KDM1B: variants seen among roughly 807,000 people sequenced by gnomAD.
KDM1B encodes lysine-specific histone demethylase 2.
Under a neutral mutation model 107.4 loss-of-function variants are expected in KDM1B, and 63 were observed. That is an observed-to-expected ratio of 0.59 (90% CI 0.48 to 0.72). The LOEUF is 0.72. KDM1B is among the 30% of genes least tolerant of loss of function. The probability of loss-of-function intolerance (pLI) is 0.00; values close to 1 mark genes in which losing one functional copy is unlikely to be tolerated. For missense variants in KDM1B, 749 were observed against 1,020.8 expected (o/e 0.73, Z 3.63); for synonymous variants, 363 against 363.9 (o/e 1.00, Z 0.03).
intron 17 of KDM1B, among the ~76,000 whole-genome samples, chr6:18,208,958 T>C (rs1464244969): frequency 2.0e-5 from 3 of 151,822 alleles, no homozygotes; most frequent in Admixed American, 1.3e-4. Context: ...TCCGCCCAAA[T>C]AGAAGTATAT....
intron 21 of KDM1B, among the ~76,000 whole-genome samples, chr6:18,220,776 CTTTT>C (rs777242091): frequency 3.5e-5 from 5 of 142,494 alleles, no homozygotes; most frequent in African/African-American, 1.3e-4. Context: ...TCACCTTTTC[CTTTT>C]TTTTTTTTTG....
intron 7 of KDM1B, among the ~76,000 whole-genome samples, chr6:18,183,232 G>A (rs1372014450): frequency 3.3e-5 from 5 of 149,762 alleles, no homozygotes; most frequent in African/African-American, 4.9e-5. Flanking sequence ...CCCTTGCAGG[G>A]GTAAACAATG....
At position 18,186,203 on chromosome 6, in the gene KDM1B, AG is replaced by A. The variant is rs1178448082; in HGVS notation, c.573+395del. Among the ~76,000 whole-genome samples, 1 of 152,172 alleles carries A rather than the reference AG, an allele frequency of 6.6e-6. No homozygotes were observed. The highest frequency in any genetic ancestry group is 1.5e-5 in the Non-Finnish European group (1 of 68,034). On this transcript the variant is annotated intron_variant, in intron 8 of 21. Transcript: ENST00000650836. This position sits in a 1 kb window ranked among gnomAD's most constrained non-coding sequence, Gnocchi z 5.6. ...ATCGTCTTGGCCTGGATTCAGCTGC[AG>A]GAGTGTTCTTATGCATTCTGACCTC...
At chr6:18,198,233 A>G (rs1383320787) in intron 12 of KDM1B, among the ~76,000 whole-genome samples, 6 of 151,940 alleles carry the variant, frequency 3.9e-5, no homozygotes, top group African/African-American at 1.4e-4. Context: ...TTCGCACAAT[A>G]GACATGATGA....
Position 18,213,931 on chromosome 6 carries a change from C to A in KDM1B, c.2109+150C>A. ...ATTCTGGGAGGACACTTGGACTGGA[C>A]ATTTTCCTATAGGAAAGGAGCCCCA... On this transcript the variant is annotated intron_variant, in intron 19 of 21. Transcript: ENST00000650836. The surrounding 1 kb of genome is among the most constrained non-coding windows in gnomAD (Gnocchi z 5.9). The A allele has an allele frequency of 1.2e-6, 1 of 840,766 alleles. No homozygotes were observed. Among genetic ancestry groups the A allele is most frequent in the Non-Finnish European group, 1.9e-6 (1 of 538,530 alleles). The allele number at this position is 840,766 out of a possible 1,614,324, so 52.1% of individuals were successfully genotyped here. A position where few individuals can be genotyped will look rare whatever the true frequency, so the allele number is the denominator to read the frequency against.
Position 18,197,003 on chromosome 6 carries a change from T to C in KDM1B, c.970-54T>C. Reference sequence around the variant, plus strand: ...AATGGATTGTTTTCCTGCTATTGTTTGAATTTCTTGGGACTTTTTTAAAAA... The same window carrying C: ...AATGGATTGTTTTCCTGCTATTGTTCGAATTTCTTGGGACTTTTTTAAAAA... On this transcript the variant is annotated intron_variant, in intron 10 of 21. Transcript: ENST00000650836. This position sits in a 1 kb window ranked among gnomAD's most constrained non-coding sequence, Gnocchi z 4.5. 1 of 1,479,214 alleles carries C rather than the reference T, an allele frequency of 6.8e-7. No individual in the cohort carries two copies. The highest frequency in any genetic ancestry group is 9.3e-7 in the Non-Finnish European group (1 of 1,073,764). 91.6% of individuals were successfully genotyped at this position (1,479,214 alleles called of 1,614,324 possible).
At chr6:18,194,039 A>G (rs1314399331) in intron 10 of KDM1B, among the ~76,000 whole-genome samples, 1 of 151,908 alleles carries the variant, frequency 6.6e-6, no homozygotes, top group African/African-American at 2.4e-5. Context: ...AAACCCGGCT[A>G]ATTTTTTTGT....
Position 18,161,444 on chromosome 6 carries a change from G to A in KDM1B, c.205G>A (p.Ala69Thr). ...AACATGTCCTGTGTGCTTTGCAAGT[G>A]CTTCTGAAAGGTCTGTTTAGATGTG... is the stretch of plus-strand genomic sequence containing the variant. Reference protein sequence around the residue: ...TATCPVCFASASERCAKNGYT... With the variant: ...TATCPVCFASTSERCAKNGYT... Residue 69 changes from alanine to threonine, a missense_variant, in exon 4 of 22, where the codon GCT becomes ACT. Transcript: ENST00000650836. The A allele has an allele frequency of 1.9e-6, 3 of 1,613,940 alleles. No individual in the cohort carries two copies. Among genetic ancestry groups the A allele is most frequent in the Non-Finnish European group, 2.5e-6 (3 of 1,179,968 alleles).
chr6:18,192,083 A>AC (rs950569314), intron 10 of KDM1B, among the ~76,000 whole-genome samples: 11 of 151,418 alleles, frequency 7.3e-5, no homozygotes, highest in East Asian at 3.9e-4. Flanking sequence ...ACATAATGAG[A>AC]CCCCCCCATC....
In KDM1B at chr6:18,197,010, C is replaced by T; in HGVS notation, c.970-47C>T. Reference sequence around the variant, plus strand: ...TGTTTTCCTGCTATTGTTTGAATTTCTTGGGACTTTTTTAAAAAAGCAGTT... The same window carrying T: ...TGTTTTCCTGCTATTGTTTGAATTTTTTGGGACTTTTTTAAAAAAGCAGTT... On this transcript the variant is annotated intron_variant, in intron 10 of 21. Coordinates refer to ENST00000650836, the MANE Select transcript of KDM1B (RefSeq NM_001364614.2). This position sits in a 1 kb window ranked among gnomAD's most constrained non-coding sequence, Gnocchi z 4.5. 6.6e-7 allele frequency: 1 copy of T among 1,514,834 alleles called. No homozygotes were observed. Among genetic ancestry groups the T allele is most frequent in the African/African-American group, 1.4e-5 (1 of 72,244 alleles). The allele number at this position is 1,514,834 out of a possible 1,614,324, so 93.8% of individuals were successfully genotyped here.
chr6:18,178,529 A>C (rs1241503950), intron 7 of KDM1B, among the ~76,000 whole-genome samples: 1 of 152,114 alleles, frequency 6.6e-6, no homozygotes, highest in East Asian at 1.9e-4. Flanking sequence ...AGTAGCAGGG[A>C]CTACAGGCAC....
At chr6:18,216,273 G>GT (rs1789226457) in intron 20 of KDM1B, among the ~76,000 whole-genome samples, 2 of 152,096 alleles carry the variant, frequency 1.3e-5, no homozygotes, top group Non-Finnish European at 2.9e-5. Flanking sequence ...TAGAGACAGG[G>GT]TTTCACCATG....
intron 17 of KDM1B, among the ~76,000 whole-genome samples, chr6:18,208,629 T>TATATATATATA (rs1788587576): frequency 2.2e-4 from 3 of 13,776 alleles, no homozygotes; most frequent in African/African-American, 3.0e-4. Context: ...ATATATATAT[T>TATATATATATA]TTTTTTTTTT....
intron 17 of KDM1B, among the ~76,000 whole-genome samples, chr6:18,210,453 G>A (rs538569595): frequency 1.9e-3 from 279 of 147,988 alleles, no homozygotes; most frequent in Non-Finnish European, 3.2e-3. Flanking sequence ...GAACTCCTGG[G>A]CTTGAGCAGT....
chr6:18,176,091 C>T (rs151323127), intron 7 of KDM1B, among the ~76,000 whole-genome samples: 8 of 152,124 alleles, frequency 5.3e-5, no homozygotes, highest in East Asian at 1.9e-4. Context: ...TCTACCCATC[C>T]GTGAGCATCC....
chr6:18,171,757 T>G (rs886603315), intron 7 of KDM1B, among the ~76,000 whole-genome samples: 3 of 152,228 alleles, frequency 2.0e-5, no homozygotes, highest in Non-Finnish European at 2.9e-5. Flanking sequence ...TCCAGCCACC[T>G]GTAGTCTAAC....
At chr6:18,166,785 T>A (rs1228813125) in intron 6 of KDM1B, among the ~76,000 whole-genome samples, 1 of 151,442 alleles carries the variant, frequency 6.6e-6, no homozygotes, top group Admixed American at 6.6e-5. Flanking sequence ...GCTCAGGAGT[T>A]CAAGGCTGTA....
Position 18,204,086 on chromosome 6 carries a change from T to A in KDM1B, c.1532-1451T>A. 6.6e-6 allele frequency among the ~76,000 whole-genome samples: 1 copy of A among 152,048 alleles called. No homozygotes were observed. Among genetic ancestry groups the A allele is most frequent in the East Asian group, 1.9e-4 (1 of 5,188 alleles). ...TGGAGGCCTCTTGGGCATCCGCATGTTACAATCTAGTGCAAGAACTGAACA... is the reference window on the plus strand; with the variant it reads ...TGGAGGCCTCTTGGGCATCCGCATGATACAATCTAGTGCAAGAACTGAACA... On this transcript the variant is annotated intron_variant, in intron 14 of 21. Transcript: ENST00000650836. The surrounding 1 kb of genome is among the most constrained non-coding windows in gnomAD (Gnocchi z 4.9).
intron 7 of KDM1B, among the ~76,000 whole-genome samples, chr6:18,171,950 G>A (rs944967814): frequency 1.3e-5 from 2 of 152,138 alleles, no homozygotes; most frequent in African/African-American, 4.8e-5. Context: ...TATCTCATTG[G>A]CGAGAACAGG....
Sources: gnomAD v4.1 joint callset for allele counts (sites outside exome capture counted in the v4.1 genomes callset) on GRCh38, gnomAD v4.1.1 for gene constraint, Gnocchi (gnomAD v3.1) non-coding constraint, MANE v1.5 for transcripts, NCBI Gene and HGNC (gene_info 2026-07-23, HGNC 2026-07-21) for gene names.